The following TNRC6C variants were observed in gnomAD, a reference collection of about 807,000 sequenced individuals.
TNRC6C encodes the protein trinucleotide repeat-containing gene 6C protein.
Under a neutral mutation model 153.7 loss-of-function variants are expected in TNRC6C, and 20 were observed. That is an observed-to-expected ratio of 0.13 (90% confidence interval 0.09 to 0.19). The LOEUF (loss-of-function observed/expected upper bound fraction) is 0.19. Among genes scored for constraint, TNRC6C ranks in the 10% least tolerant of loss-of-function variants. The probability of loss-of-function intolerance (pLI) is 1.00; values close to 1 mark genes in which losing one functional copy is unlikely to be tolerated. For missense variants in TNRC6C, 1,987 were observed against 2,172.0 expected (o/e 0.91, Z 1.69); for synonymous variants, 811 against 841.4 (o/e 0.96, Z 0.63).
rs555613289 is a variant in TNRC6C, at chr17:78,054,905, C to T, written c.2395+3448C>T. On this transcript the variant is annotated intron_variant, in intron 3 of 19. Transcript: ENST00000301624. ...TACTGTACGCTACCATACACCACTG[C>T]GGACTACTGTATGCTACCATACACC... is the stretch of plus-strand genomic sequence containing the variant. Among the ~76,000 whole-genome samples, 11 of 151,450 alleles carry T rather than the reference C, an allele frequency of 7.3e-5. No homozygotes were observed. In the South Asian group the frequency reaches 8.3e-4, roughly 11 times the overall value.
intron 17 of TNRC6C, among the ~76,000 whole-genome samples, chr17:78,100,773 T>C (rs938788301): frequency 0.012 from 1,348 of 113,410 alleles, 21 homozygotes; most frequent in African/African-American, 0.046. Context: ...GGATTTCCTT[T>C]TTTTTTTTTT....
chr17:78,052,203 G>A (rs1443541787), intron 3 of TNRC6C, among the ~76,000 whole-genome samples: 3 of 152,202 alleles, frequency 2.0e-5, no homozygotes, highest in Non-Finnish European at 2.9e-5. Flanking sequence ...CTGGGAGTGT[G>A]AATACTAGCC....
At chr17:78,026,576 G>A (rs1305842062) in intron 1 of TNRC6C, among the ~76,000 whole-genome samples, 1 of 152,236 alleles carries the variant, frequency 6.6e-6, no homozygotes, top group Non-Finnish European at 1.5e-5. Flanking sequence ...AGATGAAGAA[G>A]CAAGCAGCTC....
upstream of TNRC6C, among the ~76,000 whole-genome samples, chr17:78,003,592 A>G (rs2071447168): frequency 6.6e-6 from 1 of 152,256 alleles, no homozygotes; most frequent in Non-Finnish European, 1.5e-5. Context: ...AACAAGTTAC[A>G]GGTGATCAAT....
At chr17:77,962,595 A>C (rs903782922) in intron 1 of TNRC6C, among the ~76,000 whole-genome samples, 4 of 152,222 alleles carry the variant, frequency 2.6e-5, no homozygotes, top group African/African-American at 2.4e-5. Flanking sequence ...AGGTTGAGGG[A>C]GCAGGAGGCG....
At chr17:78,085,414 A>G (rs897196137) in intron 11 of TNRC6C, among the ~76,000 whole-genome samples, 2 of 152,190 alleles carry the variant, frequency 1.3e-5, no homozygotes, top group Admixed American at 1.3e-4. Flanking sequence ...TAAGTGGGGT[A>G]TTTTATTCCT....
At chr17:78,063,740 T>G (rs898774596) in intron 3 of TNRC6C, among the ~76,000 whole-genome samples, 1 of 152,212 alleles carries the variant, frequency 6.6e-6, no homozygotes, top group Non-Finnish European at 1.5e-5. Flanking sequence ...TTTACCTTTA[T>G]GTTTTTAATC....
intron 17 of TNRC6C, among the ~76,000 whole-genome samples, chr17:78,099,965 G>T (rs1377710208): frequency 6.6e-6 from 1 of 152,202 alleles, no homozygotes; most frequent in Non-Finnish European, 1.5e-5. Flanking sequence ...AGGGGCTCAG[G>T]CCCCATGCAA....
chr17:77,962,693 C>T (rs966579285), intron 1 of TNRC6C, among the ~76,000 whole-genome samples: 1 of 152,146 alleles, frequency 6.6e-6, no homozygotes, highest in East Asian at 1.9e-4. Context: ...TGTTATCTTC[C>T]GTTGAACTTG....
At chr17:78,053,437 C>T (rs779434076) in intron 3 of TNRC6C, among the ~76,000 whole-genome samples, 1 of 151,984 alleles carries the variant, frequency 6.6e-6, no homozygotes, top group Non-Finnish European at 1.5e-5. Context: ...CGAGACCAGC[C>T]TGACCAACAA....
Position 78,075,044 on chromosome 17 carries a change from C to T in TNRC6C, c.2918-92C>T. 2.7e-6 allele frequency: 4 copies of T among 1,468,562 alleles called. No homozygotes were observed. Among genetic ancestry groups the T allele is most frequent in the Non-Finnish European group, 3.7e-6 (4 of 1,079,676 alleles). The allele number at this position is 1,468,562 out of a possible 1,614,324, so 91.0% of individuals were successfully genotyped here. ...CTGTGTTTGAAGGGGTGGAGGGTCT[C>T]CATCCCTCCTTGAGGCCTTAGCTGG... On this transcript the variant is annotated intron_variant, in intron 7 of 19. Transcript: ENST00000301624. This position sits in a 1 kb window ranked among gnomAD's most constrained non-coding sequence, Gnocchi z 4.2.
chr17:77,964,390 C>T (rs998304559), intron 1 of TNRC6C, among the ~76,000 whole-genome samples: 1 of 152,178 alleles, frequency 6.6e-6, no homozygotes, highest in Non-Finnish European at 1.5e-5. Context: ...GAGTCCTTTA[C>T]TAATGTGCAG....
rs1188750766 is a variant in TNRC6C at position 78,005,148 on chromosome 17, T to C, written c.-546+69T>C. 2.1e-5 allele frequency: 23 copies of C among 1,090,232 alleles called. 1 individual carries two copies. The South Asian group carries it at 9.8e-4, about 47-fold the overall frequency. The allele number at this position is 1,090,232 out of a possible 1,614,324, so 67.5% of individuals were successfully genotyped here. A position where few individuals can be genotyped will look rare whatever the true frequency, so the allele number is the denominator to read the frequency against. On this transcript the variant is annotated intron_variant, in intron 1 of 19. Coordinates refer to ENST00000301624, the Ensembl canonical transcript of TNRC6C. The stretch of plus-strand genomic sequence containing the variant: ...AAAATTTTTATGACCAGGATGACTT[T>C]TTTTTTTAAATTGATGGTTAAAAAA...
At chr17:77,963,571 A>G (rs544508712) in intron 1 of TNRC6C, among the ~76,000 whole-genome samples, 42 of 152,342 alleles carry the variant, frequency 2.8e-4, no homozygotes, top group Middle Eastern at 6.8e-3. Flanking sequence ...TTAAGAATGC[A>G]TTCCTCCTCT....
At chr17:77,995,627 C>T (rs924092293) in intron 1 of TNRC6C, among the ~76,000 whole-genome samples, 3 of 152,138 alleles carry the variant, frequency 2.0e-5, no homozygotes, top group African/African-American at 7.2e-5. Context: ...TTAATAACCA[C>T]TCTGTAACAC....
chr17:77,962,343 A>G (rs967660316), intron 1 of TNRC6C, among the ~76,000 whole-genome samples: 2 of 152,202 alleles, frequency 1.3e-5, no homozygotes, highest in African/African-American at 4.8e-5. Context: ...ATGACTGTTT[A>G]TCTTTCAGTC....
chr17:77,995,649 T>C (rs2071316872), intron 1 of TNRC6C, among the ~76,000 whole-genome samples: 1 of 152,204 alleles, frequency 6.6e-6, no homozygotes, highest in Non-Finnish European at 1.5e-5. Context: ...TAGGCCAGGA[T>C]GTACCAGCAA....
At chr17:78,041,670 C>A (rs553678846) in intron 2 of TNRC6C, among the ~76,000 whole-genome samples, 1 of 152,130 alleles carries the variant, frequency 6.6e-6, no homozygotes, top group Non-Finnish European at 1.5e-5. Flanking sequence ...GATCTTTACA[C>A]CCAGTAAATG....
intron 1 of TNRC6C, among the ~76,000 whole-genome samples, chr17:78,027,383 G>A (rs2071962471): frequency 6.6e-6 from 1 of 152,118 alleles, no homozygotes; most frequent in Non-Finnish European, 1.5e-5. Flanking sequence ...ACAGTAGCCA[G>A]ACAGTCCCTG....
Sources: allele counts gnomAD v4.1 joint callset (sites outside exome capture counted in the v4.1 genomes callset), GRCh38; gene constraint gnomAD v4.1.1; non-coding constraint Gnocchi (gnomAD v3.1); transcripts MANE v1.5; gene names NCBI Gene and HGNC (gene_info 2026-07-23, HGNC 2026-07-21).